TXLNG: variants seen among roughly 807,000 people sequenced by gnomAD.
The protein encoded by TXLNG is gamma-taxilin.
In TXLNG, 5 loss-of-function variants were observed where a neutral mutation model predicts 38.8. The observed-to-expected ratio is 0.13, with a 90% CI of 0.07 to 0.27. The LOEUF is 0.27. Ranked by LOEUF, TXLNG falls within the 10% of genes least tolerant of loss-of-function variation. The pLI, the probability that TXLNG is intolerant of heterozygous loss-of-function variation, is 1.00. For missense variants in TXLNG, 393 were observed against 398.2 expected (o/e 0.99, Z 0.11); for synonymous variants, 182 against 158.2 (o/e 1.15, Z -1.13).
At chrX:16,800,430 T>G (rs1928046981) in intron 1 of TXLNG, among the ~76,000 whole-genome samples, 1 of 110,601 alleles carries the variant, frequency 9.0e-6, no homozygotes, top group Admixed American at 9.7e-5. Context: ...AATTTTTGTT[T>G]AGAGGCGGAG....
chrX:16,832,576 G>C, intron 5 of TXLNG, 47 bp from the exon 6 acceptor site: 1 of 1,208,812 alleles, frequency 8.3e-7, no homozygotes, highest in Non-Finnish European at 1.1e-6. Context: ...TCCCCACTGT[G>C]TTCCTTTCTT....
At chrX:16,822,866 A>G (rs1929028535) in intron 3 of TXLNG, among the ~76,000 whole-genome samples, 3 of 111,740 alleles carry the variant, frequency 2.7e-5, no homozygotes, top group Admixed American at 1.9e-4. Context: ...GGGCCTGAGG[A>G]TCTGCATTTT....
intron 3 of TXLNG, among the ~76,000 whole-genome samples, chrX:16,821,164 G>A (rs1427817613): frequency 5.9e-5 from 5 of 84,075 alleles, no homozygotes; most frequent in East Asian, 8.1e-4. Context: ...TTTTTGAGAC[G>A]GAGTCTCGCT....
At chrX:16,840,597 C>T (rs897649014) in intron 9 of TXLNG, 18 of 237,218 alleles carry the variant, frequency 7.6e-5, no homozygotes, top group Non-Finnish European at 1.1e-4. Flanking sequence ...CATCGTGAAA[C>T]CCCGTCTCTA....
At chrX:16,831,821 G>A (rs1040804011) in intron 5 of TXLNG, among the ~76,000 whole-genome samples, 5 of 111,710 alleles carry the variant, frequency 4.5e-5, no homozygotes, top group African/African-American at 1.3e-4. Context: ...AGTCTGTGGT[G>A]CTCTCAATAC....
intron 1 of TXLNG, among the ~76,000 whole-genome samples, chrX:16,805,893 C>T (rs1300595239): frequency 8.9e-6 from 1 of 112,131 alleles, no homozygotes; most frequent in African/African-American, 3.2e-5. Flanking sequence ...AATAAATATC[C>T]TTTCATTTCA....
intron 1 of TXLNG, among the ~76,000 whole-genome samples, chrX:16,794,158 G>A (rs1485074037): frequency 9.0e-6 from 1 of 111,570 alleles, no homozygotes; most frequent in Non-Finnish European, 1.9e-5. Flanking sequence ...CGGCTCTTTG[G>A]GCTCCAAAGC....
chrX:16,795,812 A>ATT (rs758666977), intron 1 of TXLNG, among the ~76,000 whole-genome samples: 8 of 97,889 alleles, frequency 8.2e-5, no homozygotes, highest in Admixed American at 1.1e-4. Context: ...GTATAATTCA[A>ATT]TTTTTTTTTT....
intron 1 of TXLNG, among the ~76,000 whole-genome samples, chrX:16,807,823 T>A (rs1437422412): frequency 3.6e-5 from 4 of 111,700 alleles, no homozygotes; most frequent in African/African-American, 1.3e-4. Flanking sequence ...TTTGAGCTCA[T>A]GTGAGCAAGC....
At chrX:16,809,635 C>T (rs1928445845) in intron 1 of TXLNG, among the ~76,000 whole-genome samples, 1 of 110,670 alleles carries the variant, frequency 9.0e-6, no homozygotes, top group Non-Finnish European at 1.9e-5. Flanking sequence ...TGAGCCACCG[C>T]ACCAGGCCAA....
chrX:16,800,903 G>T (rs1274638540), intron 1 of TXLNG, among the ~76,000 whole-genome samples: 1 of 111,754 alleles, frequency 8.9e-6, no homozygotes, highest in African/African-American at 3.2e-5. Flanking sequence ...GGCCTGGTGG[G>T]AGGTGATTGG....
chrX:16,825,287 T>C (rs1929128474), intron 3 of TXLNG, among the ~76,000 whole-genome samples: 1 of 112,213 alleles, frequency 8.9e-6, no homozygotes, highest in Admixed American at 9.5e-5. Flanking sequence ...TGGTCTCTTA[T>C]ATATTGCTGT....
chrX:16,805,051 G>C (rs1273789258), intron 1 of TXLNG, among the ~76,000 whole-genome samples: 1 of 89,118 alleles, frequency 1.1e-5, no homozygotes, highest in Non-Finnish European at 2.1e-5. Context: ...GAGTGCAGTG[G>C]TGCAGTCATA....
intron 7 of TXLNG, among the ~76,000 whole-genome samples, chrX:16,836,997 G>A (rs1017814149): frequency 1.8e-5 from 2 of 111,399 alleles, no homozygotes; most frequent in East Asian, 5.6e-4. Flanking sequence ...TTCTAAGGGG[G>A]AGAAGATGGT....
intron 1 of TXLNG, among the ~76,000 whole-genome samples, chrX:16,804,600 T>G (rs1928251995): frequency 9.1e-6 from 1 of 109,956 alleles, no homozygotes; most frequent in African/African-American, 3.3e-5. Context: ...TACCTTGGTT[T>G]GCTTTGCATT....
chrX:16,797,732 A>G (rs1927941944), intron 1 of TXLNG, among the ~76,000 whole-genome samples: 1 of 112,481 alleles, frequency 8.9e-6, no homozygotes, highest in Non-Finnish European at 1.9e-5. Flanking sequence ...CTCACTTTTG[A>G]TAAATTCTCT....
rs759333066 is a variant in TXLNG at position 16,830,780 on chromosome X, AAGTAGAGAGATAATAT to A, written c.864+1013_864+1028del. Among the ~76,000 whole-genome samples, 1,006 of 104,863 alleles carry A rather than the reference AAGTAGAGAGATAATAT, an allele frequency of 9.6e-3. 5 individuals carry two copies. Among genetic ancestry groups the A allele is most frequent in the Middle Eastern group, 0.014 (3 of 211 alleles). 91.1% of individuals were successfully genotyped at this position (104,863 alleles called of 115,157 possible). On this transcript the variant is annotated intron_variant, in intron 5 of 9. Coordinates refer to ENST00000380122, the MANE Select transcript of TXLNG (RefSeq NM_018360.3). The stretch of plus-strand genomic sequence containing the variant: ...TATGGAAAATTTCAAGCTTAACAAA[AAGTAGAGAGATAATAT>A]AGCACCTGGCTTCAGCAGATGAAAC...
rs946074566 is a variant in TXLNG, at chrX:16,820,325, C to T, written c.498+70C>T. On this transcript the variant is annotated intron_variant, in intron 3 of 9. Coordinates refer to ENST00000380122, the MANE Select transcript of TXLNG (RefSeq NM_018360.3). ...AAATGTGTGTGTGCTTGATAAGTTT[C>T]TTAAAGTACAAATTTGATATGGCCT... 11 of 829,140 alleles carry T rather than the reference C, an allele frequency of 1.3e-5. No individual in the cohort carries two copies. In the Admixed American group the frequency reaches 2.7e-4, roughly 20 times the overall value. 68.3% of individuals were successfully genotyped at this position (829,140 alleles called of 1,213,427 possible).
At chrX:16,807,626 C>T (rs1362424294) in intron 1 of TXLNG, among the ~76,000 whole-genome samples, 1 of 111,418 alleles carries the variant, frequency 9.0e-6, no homozygotes, top group Non-Finnish European at 1.9e-5. Flanking sequence ...CTAAAGGTTC[C>T]CTTTACTTAT....
Sources: allele counts gnomAD v4.1 joint callset (sites outside exome capture counted in the v4.1 genomes callset), GRCh38; gene constraint gnomAD v4.1.1; transcripts MANE v1.5; gene names NCBI Gene and HGNC (gene_info 2026-07-23, HGNC 2026-07-21).